The following SHROOM3 variants were observed in gnomAD, a reference collection of about 807,000 sequenced individuals.
SHROOM3 encodes protein Shroom3.
Under a neutral mutation model 138.6 loss-of-function variants are expected in SHROOM3, and 47 were observed. That is an observed-to-expected ratio of 0.34 (90% CI 0.27 to 0.43). The LOEUF is 0.43. Among genes scored for constraint, SHROOM3 ranks in the 20% least tolerant of loss-of-function variants. The pLI is 1.00. For synonymous variants in SHROOM3, 1,062 were observed against 1,063.3 expected (o/e 1.00, Z 0.02); for missense variants, 2,491 against 2,596.5 (o/e 0.96, Z 0.88).
intron 1 of SHROOM3, among the ~76,000 whole-genome samples, chr4:76,504,163 A>AT (rs1178508674): frequency 2.9e-4 from 43 of 149,290 alleles, no homozygotes; most frequent in African/African-American, 4.2e-4. Context: ...TCTCAAAAAA[A>AT]TTTTTTTTTT....
chr4:76,779,649 T>C lies in SHROOM3; in HGVS notation c.*472T>C, dbSNP rs1387679581. The C allele has an allele frequency of 6.4e-6, 1 of 156,204 alleles. No homozygotes were observed. The highest frequency in any genetic ancestry group is 2.4e-5 in the African/African-American group (1 of 41,482). 9.7% of individuals were successfully genotyped at this position (156,204 alleles called of 1,614,324 possible). ...GAAAACTGTAAAACCTTGAACATTG[T>C]TATTTATATTTTTTAAAATGGAAAA... On this transcript the variant is annotated 3_prime_UTR_variant, in exon 11 of 11. Transcript: ENST00000296043.
rs1481460499 is a variant in SHROOM3 at position 76,518,157 on chromosome 4, GAC to G, written c.169-37451_169-37450del. Among the ~76,000 whole-genome samples, 4 of 152,124 alleles carry G rather than the reference GAC, an allele frequency of 2.6e-5. No individual in the cohort carries two copies. In the South Asian group the frequency reaches 6.2e-4, roughly 24 times the overall value. The stretch of plus-strand genomic sequence containing the variant: ...TATTCCTAGTGGAGGGTGAGAGCTT[GAC>G]TCTTAAGAATCATATAAAATATCAA... On this transcript the variant is annotated intron_variant, in intron 1 of 10. Transcript: ENST00000296043.
intron 1 of SHROOM3, among the ~76,000 whole-genome samples, chr4:76,452,321 A>G (rs923391413): frequency 2.6e-5 from 4 of 152,066 alleles, no homozygotes; most frequent in African/African-American, 4.8e-5. Context: ...ACCACCATCC[A>G]CCTCCAGAAC....
chr4:76,495,907 G>A (rs2068064), intron 1 of SHROOM3, among the ~76,000 whole-genome samples: 14,722 of 152,212 alleles, frequency 0.097, 787 homozygotes, highest in South Asian at 0.2. Context: ...AGTTCTGGCA[G>A]GCGGATGCCA....
rs267600266 is a variant in SHROOM3, at chr4:76,779,112, G to T, written c.5926G>T (p.Glu1976Ter). 1 of 1,614,186 alleles carries T rather than the reference G, an allele frequency of 6.2e-7. No individual in the cohort carries two copies. The highest frequency in any genetic ancestry group is 8.5e-7 in the Non-Finnish European group (1 of 1,180,038). The change falls in exon 11 of 11, where the codon GAG becomes TAG. Residue 1976 changes from glutamate to a stop codon, truncating the protein, a stop_gained. Coordinates refer to ENST00000296043, the MANE Select transcript of SHROOM3 (RefSeq NM_020859.4). LOFTEE classifies it low-confidence loss of function (END_TRUNC). The part of the protein sequence containing the change: ...ALALPPNLTS[E>*]PIPAGGCTFS... ...GGCTCTGCCCCCAAACCTCACGAGTGAGCCCATTCCTGCTGGGGGCTGTAC... is the reference window on the plus strand; with the variant it reads ...GGCTCTGCCCCCAAACCTCACGAGTTAGCCCATTCCTGCTGGGGGCTGTAC...
chr4:76,741,102 G>A lies in SHROOM3; in HGVS notation c.2929G>A (p.Ala977Thr), dbSNP rs758620701. 7 of 1,547,626 alleles carry A rather than the reference G, an allele frequency of 4.5e-6. No individual in the cohort carries two copies. Among genetic ancestry groups the A allele is most frequent in the East Asian group, 2.5e-5 (1 of 40,796 alleles). The change falls in exon 5 of 11, where the codon GCC (alanine) becomes ACC (threonine). Residue 977 changes from alanine (A) to threonine (T), a missense_variant. Physicochemically the swap from Ala to Thr is moderately conservative, Grantham distance 58. Transcript: ENST00000296043. This position sits in a 1 kb window ranked among gnomAD's most constrained non-coding sequence, Gnocchi z 6.2. The stretch of plus-strand genomic sequence containing the variant: ...GCGGAGCCCCGAGGCGTCGGCCTCC[G>A]CCTCCCCGCACACGCCCCGGGAGCG... ...GLRSPEASASASPHTPRERHS... is the reference protein window; with the variant it reads ...GLRSPEASASTSPHTPRERHS...
intron 2 of SHROOM3, among the ~76,000 whole-genome samples, chr4:76,648,833 A>G (rs937431521): frequency 6.6e-6 from 1 of 152,228 alleles, no homozygotes; most frequent in African/African-American, 2.4e-5. Flanking sequence ...AGGTGGAAAA[A>G]TACATTAGAT....
chr4:76,692,220 A>G (rs1004921338), intron 2 of SHROOM3, among the ~76,000 whole-genome samples: 3 of 152,134 alleles, frequency 2.0e-5, no homozygotes, highest in African/African-American at 7.2e-5. Context: ...AGCTTGTGGG[A>G]TTTCTTCATG....
At chr4:76,454,139 G>A (rs1730980648) in intron 1 of SHROOM3, among the ~76,000 whole-genome samples, 1 of 152,152 alleles carries the variant, frequency 6.6e-6, no homozygotes, top group Admixed American at 6.5e-5. Context: ...CGCCTCCTGG[G>A]TTCAAGCAAT....
chr4:76,569,146 C>A (rs1733785524), intron 2 of SHROOM3, among the ~76,000 whole-genome samples: 1 of 152,200 alleles, frequency 6.6e-6, no homozygotes. Context: ...ATACTGTTAG[C>A]TGTTTTATGA....
intron 2 of SHROOM3, among the ~76,000 whole-genome samples, chr4:76,571,661 C>T (rs74620272): frequency 0.084 from 12,831 of 152,182 alleles, 576 homozygotes; most frequent in East Asian, 0.16. Context: ...AAGCAAAACC[C>T]CACAGCTTGA....
rs1560578543 is a variant in SHROOM3, at chr4:76,646,230, ATAT to A, written c.324-63925_324-63923del. On this transcript the variant is annotated intron_variant, in intron 2 of 10. Coordinates refer to ENST00000296043, the MANE Select transcript of SHROOM3 (RefSeq NM_020859.4). Reference sequence around the variant, plus strand: ...AACTTAAAGTATAATAAATAAATATATATATATATATATATATAAAATTAAAAA... The same window carrying A: ...AACTTAAAGTATAATAAATAAATATAATATATATATATATAAAATTAAAAA... Among the ~76,000 whole-genome samples the A allele has an allele frequency of 4.3e-5, 6 of 139,800 alleles. 1 individual carries two copies. In the South Asian group the frequency reaches 1.2e-3, roughly 27 times the overall value. 91.7% of individuals were successfully genotyped at this position (139,800 alleles called of 152,430 possible).
intron 4 of SHROOM3, among the ~76,000 whole-genome samples, chr4:76,734,892 A>AAGGAG (rs1275296074): frequency 6.6e-6 from 1 of 152,178 alleles, no homozygotes; most frequent in African/African-American, 2.4e-5. Context: ...AACAGGCATA[A>AAGGAG]AGGAGAGAAG....
At chr4:76,729,448 C>T (rs192496133) in intron 3 of SHROOM3, among the ~76,000 whole-genome samples, 349 of 152,076 alleles carry the variant, frequency 2.3e-3, no homozygotes, top group Non-Finnish European at 2.3e-3. Flanking sequence ...TATTTGTTTC[C>T]CTTGCTTCAC....
chr4:76,667,703 T>TTTGGGATTA (rs1488122739), intron 2 of SHROOM3, among the ~76,000 whole-genome samples: 75 of 151,912 alleles, frequency 4.9e-4, no homozygotes, highest in Admixed American at 2.3e-3. Flanking sequence ...GCGCGGTGGC[T>TTTGGGATTA]CACGCCTGTA....
At chr4:76,747,307 A>G (rs1175816850) in intron 5 of SHROOM3, among the ~76,000 whole-genome samples, 1 of 152,156 alleles carries the variant, frequency 6.6e-6, no homozygotes, top group Non-Finnish European at 1.5e-5. Context: ...TTTATAGAAA[A>G]TTAAGTCTTG....
chr4:76,509,987 C>T (rs960927042), intron 1 of SHROOM3, among the ~76,000 whole-genome samples: 1 of 152,030 alleles, frequency 6.6e-6, no homozygotes, highest in Admixed American at 6.6e-5. Flanking sequence ...TGAACACTTC[C>T]AATGTCAGTG....
intron 1 of SHROOM3, among the ~76,000 whole-genome samples, chr4:76,488,141 A>G (rs1317429049): frequency 2.0e-5 from 3 of 152,166 alleles, no homozygotes; most frequent in Non-Finnish European, 4.4e-5. Flanking sequence ...AGTGTATAGT[A>G]TTGAAGGCAA....
intron 2 of SHROOM3, chr4:76,688,570 T>C: frequency 1.0e-6 from 1 of 985,356 alleles, no homozygotes; most frequent in South Asian, 4.7e-5. Context: ...GTGAGAGCAA[T>C]TAAGAGAGGA....
Sources: gnomAD v4.1 joint callset for allele counts (sites outside exome capture counted in the v4.1 genomes callset) on GRCh38, gnomAD v4.1.1 for gene constraint, Gnocchi (gnomAD v3.1) non-coding constraint, MANE v1.5 for transcripts, NCBI Gene and HGNC (gene_info 2026-07-23, HGNC 2026-07-21) for gene names.